The following MAGI2 variants were observed in gnomAD, a reference collection of about 807,000 sequenced individuals.
The protein encoded by MAGI2 is membrane associated guanylate kinase, WW and PDZ domain containing 2, also known as membrane-associated guanylate kinase, WW and PDZ domain-containing protein 2.
In MAGI2, 35 loss-of-function variants were observed where a neutral mutation model predicts 133.3. That is an observed-to-expected ratio of 0.26 (90% CI 0.20 to 0.35). The LOEUF is 0.35. Among genes scored for constraint, MAGI2 ranks in the 10% least tolerant of loss-of-function variants. MAGI2 has a pLI of 1.00. For missense variants in MAGI2, 1,636 were observed against 1,863.4 expected, an observed-to-expected ratio of 0.88 and a Z score of 2.25; for synonymous variants, 729 against 710.6, an observed-to-expected ratio of 1.03 and a Z score of -0.41.
At chr7:79,286,085 G>A (rs1189563955) in intron 1 of MAGI2, among the ~76,000 whole-genome samples, 2 of 151,982 alleles carry the variant, frequency 1.3e-5, no homozygotes, top group African/African-American at 4.8e-5. Context: ...CTGGAATGAG[G>A]GGAAGAAGAG....
chr7:78,838,509 A>AGTGTGTGT lies in MAGI2; in HGVS notation c.418+168573_418+168580dup, dbSNP rs34844201. On this transcript the variant is annotated intron_variant, in intron 2 of 21. Coordinates refer to ENST00000354212, the MANE Select transcript of MAGI2 (RefSeq NM_012301.4). ...ATTAAATAAAAGCATTATGTGTGTG[A>AGTGTGTGT]GTGTGTGTGTGTGTGTGTGTGTGTG... Among the ~76,000 whole-genome samples the AGTGTGTGT allele has an allele frequency of 4.5e-3, 669 of 147,846 alleles. 4 individuals are homozygous for AGTGTGTGT. Among genetic ancestry groups the AGTGTGTGT allele is most frequent in the Middle Eastern group, 0.01 (3 of 292 alleles).
At chr7:78,345,092 A>C (rs1180243872) in intron 8 of MAGI2, among the ~76,000 whole-genome samples, 4 of 152,216 alleles carry the variant, frequency 2.6e-5, no homozygotes. Flanking sequence ...GAGTCATTCT[A>C]TTAGACTTCT....
intron 1 of MAGI2, among the ~76,000 whole-genome samples, chr7:79,374,356 A>G (rs968901049): frequency 6.6e-6 from 1 of 151,512 alleles, no homozygotes; most frequent in Admixed American, 6.6e-5. Context: ...ACAAAAGACA[A>G]TGTGAAAATA....
intron 2 of MAGI2, among the ~76,000 whole-genome samples, chr7:78,994,632 T>G (rs1372726886): frequency 6.6e-6 from 1 of 152,096 alleles, no homozygotes; most frequent in East Asian, 1.9e-4. Flanking sequence ...CAAATGGATA[T>G]AGGCATCAGA....
intron 3 of MAGI2, among the ~76,000 whole-genome samples, chr7:78,571,913 G>A (rs999322873): frequency 1.3e-5 from 2 of 152,032 alleles, no homozygotes; most frequent in Admixed American, 1.3e-4. Flanking sequence ...GTAGACATGG[G>A]CTCTTTCCAG....
chr7:79,166,410 C>A (rs535635128), intron 1 of MAGI2, among the ~76,000 whole-genome samples: 3 of 152,058 alleles, frequency 2.0e-5, no homozygotes, highest in Non-Finnish European at 4.4e-5. Context: ...TGTCAACAGT[C>A]GGTGAATGTG....
chr7:78,083,870 T>G (rs1165569215), intron 20 of MAGI2, among the ~76,000 whole-genome samples: 1 of 152,236 alleles, frequency 6.6e-6, no homozygotes, highest in Non-Finnish European at 1.5e-5. Context: ...TTGTTAATAG[T>G]TCAGGTTGGA....
intron 1 of MAGI2, among the ~76,000 whole-genome samples, chr7:79,313,552 G>C (rs995554161): frequency 4.0e-5 from 6 of 151,758 alleles, no homozygotes; most frequent in African/African-American, 1.5e-4. Flanking sequence ...TGGCATTGTT[G>C]CCTTAAAGGG....
intron 20 of MAGI2, among the ~76,000 whole-genome samples, chr7:78,082,053 C>G (rs909579014): frequency 6.6e-6 from 1 of 152,128 alleles, no homozygotes; most frequent in Non-Finnish European, 1.5e-5. Context: ...AACCCCAAAT[C>G]GAATCTTGAC....
intron 1 of MAGI2, among the ~76,000 whole-genome samples, chr7:79,132,348 CTT>C (rs1821011220): frequency 1.3e-5 from 2 of 152,074 alleles, no homozygotes; most frequent in South Asian, 4.1e-4. Flanking sequence ...CTCTGTGTGA[CTT>C]TGCTTACTCA....
At chr7:78,811,432 A>AT (rs1234074212) in intron 2 of MAGI2, among the ~76,000 whole-genome samples, 3 of 151,944 alleles carry the variant, frequency 2.0e-5, no homozygotes, top group Non-Finnish European at 4.4e-5. Flanking sequence ...TAATTAAATG[A>AT]TTTTTGAATT....
intron 1 of MAGI2, among the ~76,000 whole-genome samples, chr7:79,033,231 T>C (rs1049262295): frequency 2.0e-5 from 3 of 152,198 alleles, no homozygotes; most frequent in Non-Finnish European, 4.4e-5. Context: ...TGATGGACCA[T>C]AGGCAAATGT....
At chr7:78,150,733 A>G (rs1823786858) in intron 16 of MAGI2, among the ~76,000 whole-genome samples, 2 of 152,336 alleles carry the variant, frequency 1.3e-5, no homozygotes, top group South Asian at 4.1e-4. Context: ...GGAGTCTTTG[A>G]ACACAATAAT....
chr7:78,785,815 G>A (rs2151354363), intron 2 of MAGI2, among the ~76,000 whole-genome samples: 1 of 152,058 alleles, frequency 6.6e-6, no homozygotes, highest in East Asian at 1.9e-4. Context: ...AAAGCTGAAG[G>A]GTCACCCAAT....
chr7:78,328,835 G>T (rs567894786), intron 9 of MAGI2, among the ~76,000 whole-genome samples: 2 of 152,014 alleles, frequency 1.3e-5, no homozygotes, highest in South Asian at 4.2e-4. Context: ...AAATACAAAA[G>T]AAATACAACA....
chr7:78,788,958 G>T lies in MAGI2; in HGVS notation c.419-161719C>A, dbSNP rs553131515. Among the ~76,000 whole-genome samples the T allele has an allele frequency of 3.1e-3, 465 of 152,180 alleles. 1 individual carries two copies. Among genetic ancestry groups the T allele is most frequent in the African/African-American group, 0.011 (440 of 41,530 alleles). On this transcript the variant is annotated intron_variant, in intron 2 of 21. Coordinates refer to ENST00000354212, the MANE Select transcript of MAGI2 (RefSeq NM_012301.4). ...ACGAGAGGCCCGCTCCTTCTCCTGG[G>T]TCGCTGTCCAGATCTCATTGGTCTC...
chr7:78,811,526 A>G (rs1167037704), intron 2 of MAGI2, among the ~76,000 whole-genome samples: 2 of 152,214 alleles, frequency 1.3e-5, no homozygotes, highest in African/African-American at 2.4e-5. Context: ...AAAATCATAT[A>G]TTCTTATTCT....
chr7:79,406,794 TA>T (rs1385586538), intron 1 of MAGI2, among the ~76,000 whole-genome samples: 1 of 152,170 alleles, frequency 6.6e-6, no homozygotes, highest in Non-Finnish European at 1.5e-5. Flanking sequence ...AAATGAACCT[TA>T]TTTAGACTTT....
At chr7:79,335,630 A>G (rs928977378) in intron 1 of MAGI2, among the ~76,000 whole-genome samples, 7 of 152,114 alleles carry the variant, frequency 4.6e-5, no homozygotes, top group African/African-American at 1.7e-4. Flanking sequence ...GTAGTAAGAT[A>G]ATTTTATTTT....
Sources: allele counts gnomAD v4.1 joint callset (sites outside exome capture counted in the v4.1 genomes callset), GRCh38; gene constraint gnomAD v4.1.1; transcripts MANE v1.5; gene names NCBI Gene and HGNC (gene_info 2026-07-23, HGNC 2026-07-21).